SNAP25: variants seen among roughly 807,000 people sequenced by gnomAD.
The protein encoded by SNAP25 is synaptosomal-associated protein 25.
In SNAP25, 3 loss-of-function variants were observed where a neutral mutation model predicts 28.7. The observed-to-expected ratio is 0.10, with a 90% confidence interval of 0.05 to 0.27. SNAP25 has a LOEUF of 0.27. SNAP25 is among the 10% of genes least tolerant of loss of function. SNAP25 has a pLI of 1.00. For synonymous variants in SNAP25, 61 were observed against 88.1 expected, an observed-to-expected ratio of 0.69 and a Z score of 1.72; for missense variants, 117 against 278.7, an observed-to-expected ratio of 0.42 and a Z score of 4.13.
intron 1 of SNAP25, among the ~76,000 whole-genome samples, chr20:10,260,180 A>T (rs1210402189): frequency 6.6e-6 from 1 of 152,134 alleles, no homozygotes; most frequent in African/African-American, 2.4e-5. Context: ...TAATTATTTT[A>T]ATAGATGTAG....
Position 10,275,525 on chromosome 20 carries a change from G to A in SNAP25, c.34G>A (p.Glu12Lys), listed in dbSNP as rs1405385668. 6.2e-7 allele frequency: 1 copy of A among 1,606,502 alleles called. No homozygotes were observed. The highest frequency in any genetic ancestry group is 8.5e-7 in the Non-Finnish European group (1 of 1,176,116). ...AGACGCAGACATGCGCAATGAGCTG[G>A]AGGAGATGCAGCGAAGGGCTGACCA... ...AEDADMRNELEEMQRRADQLA... is the reference protein window; with the variant it reads ...AEDADMRNELKEMQRRADQLA... Residue 12 changes from glutamate (E) to lysine (K), a missense_variant, in exon 2 of 8, where the codon GAG becomes AAG. By Grantham distance (56) the Glu-to-Lys change is moderately conservative. Coordinates refer to ENST00000254976, the MANE Select transcript of SNAP25 (RefSeq NM_130811.4).
intron 1 of SNAP25, among the ~76,000 whole-genome samples, chr20:10,270,337 A>G (rs2063571773): frequency 6.6e-6 from 1 of 152,130 alleles, no homozygotes; most frequent in South Asian, 2.1e-4. Context: ...AGAAGGTCCT[A>G]CAGACCAGAG....
intron 7 of SNAP25, among the ~76,000 whole-genome samples, chr20:10,303,454 T>C (rs1207640562): frequency 2.0e-5 from 3 of 152,200 alleles, no homozygotes; most frequent in Admixed American, 2.0e-4. Context: ...CTTTGCAAAT[T>C]TCTATTTGAA....
intron 7 of SNAP25, among the ~76,000 whole-genome samples, chr20:10,305,128 A>G (rs1305813463): frequency 1.3e-5 from 2 of 152,170 alleles, no homozygotes; most frequent in African/African-American, 4.8e-5. Flanking sequence ...CATATATTTT[A>G]TCCATTCATG....
At chr20:10,276,266 T>C (rs1046685115) in intron 2 of SNAP25, among the ~76,000 whole-genome samples, 1 of 152,118 alleles carries the variant, frequency 6.6e-6, no homozygotes, top group Non-Finnish European at 1.5e-5. Context: ...CTGAGCAACA[T>C]AGAGAGACTC....
chr20:10,281,611 C>T (rs528775088), intron 3 of SNAP25, among the ~76,000 whole-genome samples: 4 of 152,310 alleles, frequency 2.6e-5, no homozygotes, highest in African/African-American at 9.6e-5. Context: ...CAGGTATAAA[C>T]GGCAGAGATG....
At chr20:10,265,609 C>T (rs1242807096) in intron 1 of SNAP25, among the ~76,000 whole-genome samples, 1 of 152,172 alleles carries the variant, frequency 6.6e-6, no homozygotes, top group Non-Finnish European at 1.5e-5. Flanking sequence ...TTTGTCCACC[C>T]TCCAGTGCAG....
chr20:10,224,125 G>A (rs753785468), intron 1 of SNAP25, among the ~76,000 whole-genome samples: 3 of 152,024 alleles, frequency 2.0e-5, no homozygotes, highest in Non-Finnish European at 4.4e-5. Flanking sequence ...GTAACTTGTC[G>A]CAGAGCAGAG....
At chr20:10,247,888 T>A (rs2063157127) in intron 1 of SNAP25, among the ~76,000 whole-genome samples, 1 of 152,212 alleles carries the variant, frequency 6.6e-6, no homozygotes, top group Non-Finnish European at 1.5e-5. Flanking sequence ...CATGATTCCA[T>A]AAGTCAGCAG....
At chr20:10,276,552 G>T (rs918767533) in intron 2 of SNAP25, among the ~76,000 whole-genome samples, 7 of 152,166 alleles carry the variant, frequency 4.6e-5, no homozygotes, top group Non-Finnish European at 1.0e-4. Context: ...ATTCACAAAT[G>T]AGTACAATTC....
At chr20:10,231,576 G>C (rs1978897572) in intron 1 of SNAP25, 1 of 152,174 alleles carries the variant, frequency 6.6e-6, no homozygotes, top group Non-Finnish European at 1.5e-5. Context: ...CTCTCAGTCT[G>C]TTGTTACACT....
chr20:10,272,581 A>C (rs778117795), intron 1 of SNAP25, among the ~76,000 whole-genome samples: 7 of 152,164 alleles, frequency 4.6e-5, no homozygotes, highest in African/African-American at 7.2e-5. Context: ...CTAGATCCTA[A>C]TTTGTAAAAT....
At chr20:10,280,067 G>A (rs1156565921) in intron 3 of SNAP25, among the ~76,000 whole-genome samples, 1 of 152,122 alleles carries the variant, frequency 6.6e-6, no homozygotes, top group Non-Finnish European at 1.5e-5. Context: ...ATGATCCCAA[G>A]GTTTGACAGC....
At chr20:10,266,955 A>T (rs1418480845) in intron 1 of SNAP25, among the ~76,000 whole-genome samples, 2 of 152,120 alleles carry the variant, frequency 1.3e-5, no homozygotes, top group Non-Finnish European at 2.9e-5. Context: ...GACAGAATGG[A>T]CTTTCTTTTC....
chr20:10,274,207 G>A, intron 1 of SNAP25, among the ~76,000 whole-genome samples: 1 of 152,028 alleles, frequency 6.6e-6, no homozygotes, highest in Non-Finnish European at 1.5e-5. Context: ...GTACCATGTG[G>A]GATTTCAAGA....
intron 1 of SNAP25, among the ~76,000 whole-genome samples, chr20:10,223,567 T>A (rs74564233): frequency 0.018 from 2,782 of 152,150 alleles, 82 homozygotes; most frequent in African/African-American, 0.063. Flanking sequence ...AGGTTGGTGG[T>A]TATTAAACTG....
chr20:10,233,471 A>G (rs536901301), intron 1 of SNAP25, among the ~76,000 whole-genome samples: 12 of 152,312 alleles, frequency 7.9e-5, no homozygotes, highest in Admixed American at 7.8e-4. Flanking sequence ...GGAAAGGGAG[A>G]ATCTCCTTCC....
intron 1 of SNAP25, among the ~76,000 whole-genome samples, chr20:10,255,794 G>A (rs186455720): frequency 6.2e-4 from 95 of 152,144 alleles, no homozygotes; most frequent in East Asian, 4.6e-3. Flanking sequence ...GATAACTTTG[G>A]GCTTCATTTA....
At chr20:10,273,495 A>G (rs1354319508) in intron 1 of SNAP25, among the ~76,000 whole-genome samples, 1 of 152,168 alleles carries the variant, frequency 6.6e-6, no homozygotes, top group Non-Finnish European at 1.5e-5. Flanking sequence ...ATTTTTCTCC[A>G]TGCAGGGATA....
Sources: allele counts gnomAD v4.1 joint callset (sites outside exome capture counted in the v4.1 genomes callset), GRCh38; gene constraint gnomAD v4.1.1; transcripts MANE v1.5; gene names NCBI Gene and HGNC (gene_info 2026-07-23, HGNC 2026-07-21).